Variants in LONP1 observed in about 807,000 individuals in gnomAD.
LONP1 encodes lon peptidase 1, mitochondrial.
LONP1 carries 31 observed loss-of-function variants against 98.5 expected under a neutral mutation model. The observed-to-expected ratio is 0.31, with a 90% CI of 0.24 to 0.42. The LOEUF is 0.42. Ranked by LOEUF, LONP1 falls within the 20% of genes least tolerant of loss-of-function variation. LONP1 has a pLI of 1.00. For synonymous variants in LONP1, 781 were observed against 594.7 expected, an observed-to-expected ratio of 1.31 and a Z score of -4.56; for missense variants, 1,336 against 1,350.6, an observed-to-expected ratio of 0.99 and a Z score of 0.17.
chr19:5,698,122 C>T (rs966030364), intron 10 of LONP1, among the ~76,000 whole-genome samples: 7 of 151,544 alleles, frequency 4.6e-5, no homozygotes, highest in Admixed American at 1.3e-4. Flanking sequence ...GCACTGGCCC[C>T]ACCTCCTCCA....
intron 3 of LONP1, 123 bp downstream of exon 3, chr19:5,713,011 T>TGGGGGTGAG: frequency 7.4e-7 from 1 of 1,357,828 alleles, no homozygotes; most frequent in Non-Finnish European, 1.0e-6. Flanking sequence ...GCCTCAGTGC[T>TGGGGGTGAG]AGTGAGAAAG....
chr19:5,701,813 C>A (rs1237601467), intron 8 of LONP1, among the ~76,000 whole-genome samples: 1 of 151,204 alleles, frequency 6.6e-6, no homozygotes, highest in East Asian at 2.0e-4. Context: ...TGTGAGGAGC[C>A]CCTCTGCCTG....
At position 5,693,307 on chromosome 19, in the gene LONP1, C is replaced by A. The variant is rs202008767; in HGVS notation, c.2694G>T (p.Lys898Asn). ...GTACAGGGACACTCACCGCAATGGT[C>A]TTCTCCTTGATGCCACCAACAGGCA... ...KILPVGGIKE[K>N]TIAAKRAGVT... is the part of the protein sequence containing the mutation. The change falls in exon 17 of 18, where the codon AAG (lysine) becomes AAT (asparagine). Residue 898 changes from lysine (K) to asparagine (N), a missense_variant. Physicochemically the swap from Lys to Asn is moderately conservative, Grantham distance 94. Around this residue, in one of 5 missense-constraint regions of LONP1, gnomAD observed 555 missense variants for 542.6 expected, o/e 1.02. Coordinates refer to ENST00000360614, the MANE Select transcript of LONP1 (RefSeq NM_004793.4). 6.2e-7 allele frequency: 1 copy of A among 1,611,490 alleles called. No homozygotes were observed. Among genetic ancestry groups the A allele is most frequent in the Admixed American group, 1.7e-5 (1 of 59,930 alleles).
intron 17 of LONP1, among the ~76,000 whole-genome samples, chr19:5,692,790 C>T (rs1237972116): frequency 6.6e-6 from 1 of 152,206 alleles, no homozygotes; most frequent in Non-Finnish European, 1.5e-5. Context: ...GTGGTCACAG[C>T]CACTTGACCA....
At position 5,696,659 on chromosome 19, in the gene LONP1, T is replaced by G. The variant is rs746321328; in HGVS notation, c.1773+11A>C. 2 of 1,581,028 alleles carry G rather than the reference T, an allele frequency of 1.3e-6. No homozygotes were observed. Among genetic ancestry groups the G allele is most frequent in the Admixed American group, 3.4e-5 (2 of 58,522 alleles). ...CCGGGTTAGGGGGTCTCCGGGCCTCTCCGCACGCACCTCGTCGATGAGGAT... is the reference window on the plus strand; with the variant it reads ...CCGGGTTAGGGGGTCTCCGGGCCTCGCCGCACGCACCTCGTCGATGAGGAT... On this transcript the variant is annotated intron_variant, in intron 11 of 17. Coordinates refer to ENST00000360614, the MANE Select transcript of LONP1 (RefSeq NM_004793.4).
intron 15 of LONP1, 83 bp from the exon 16 acceptor site, chr19:5,693,852 C>G (rs994327173): frequency 7.8e-6 from 9 of 1,150,186 alleles, no homozygotes; most frequent in South Asian, 6.7e-5. Flanking sequence ...CCACTCTGAC[C>G]GCTCCTGCCC....
At chr19:5,707,595 T>C in intron 6 of LONP1, 102 bp downstream of exon 6, 1 of 1,258,132 alleles carries the variant, frequency 7.9e-7, no homozygotes, top group East Asian at 2.3e-5. Flanking sequence ...CAGCCAGGCA[T>C]GGGGGAGCTG....
intron 6 of LONP1, among the ~76,000 whole-genome samples, 155 bp from the exon 7 acceptor site, chr19:5,707,298 C>A (rs1429180738): frequency 6.6e-6 from 1 of 152,236 alleles, no homozygotes; most frequent in Non-Finnish European, 1.5e-5. Flanking sequence ...TCTGCCCCAA[C>A]AAATCCCGTG....
chr19:5,710,469 C>T (rs1237711939), intron 4 of LONP1, among the ~76,000 whole-genome samples: 4 of 151,998 alleles, frequency 2.6e-5, no homozygotes, highest in African/African-American at 9.7e-5. Flanking sequence ...GATCACAGCT[C>T]ACTGCAGCCT....
chr19:5,709,826 G>T (rs935935687), intron 4 of LONP1, among the ~76,000 whole-genome samples: 7 of 147,688 alleles, frequency 4.7e-5, no homozygotes, highest in Non-Finnish European at 7.4e-5. Flanking sequence ...GCAGGAGAAT[G>T]GTGTGAACCC....
chr19:5,719,809 G>C lies in LONP1; in HGVS notation c.324C>G (p.Val108=), dbSNP rs928920115. The change falls in exon 1 of 18, where the codon GTC becomes GTG. Residue 108 remains valine (V), a synonymous_variant. Coordinates refer to ENST00000360614, the MANE Select transcript of LONP1 (RefSeq NM_004793.4). ...TCGTCATGGGCGTGAGCGCCGTTAT[G>C]ACCGGGCCTTCCCCGGCGCCCGCGC... is the stretch of plus-strand genomic sequence containing the variant. ...GGSAGAGEGP[V]ITALTPMTIP... The C allele has an allele frequency of 6.2e-7, 1 of 1,612,046 alleles. No homozygotes were observed. The highest frequency in any genetic ancestry group is 8.5e-7 in the Non-Finnish European group (1 of 1,179,762).
At chr19:5,696,635 C>CGTGTCAGGGTTGCCTGGGGCTCT (rs1599449707) in intron 11 of LONP1, 35 bp downstream of exon 11, 1 of 1,593,598 alleles carries the variant, frequency 6.3e-7, no homozygotes, top group Non-Finnish European at 8.6e-7. Context: ...ACGGCATTGC[C>CGTGTCAGGGTTGCCTGGGGCTCT]GGGTTAGGGG....
At chr19:5,699,312 G>A in intron 9 of LONP1, 107 bp from the exon 10 acceptor site, 1 of 901,710 alleles carries the variant, frequency 1.1e-6, no homozygotes, top group East Asian at 3.1e-5. Flanking sequence ...AGGGCTGCGA[G>A]AAGGGACCAG....
chr19:5,698,427 G>A lies in LONP1; in HGVS notation c.1685+600C>T, dbSNP rs201526652. 8.5e-5 allele frequency among the ~76,000 whole-genome samples: 13 copies of A among 152,350 alleles called. No individual in the cohort carries two copies. The East Asian group carries it at 2.5e-3, about 29-fold the overall frequency. On this transcript the variant is annotated intron_variant, in intron 10 of 17. Coordinates refer to ENST00000360614, the MANE Select transcript of LONP1 (RefSeq NM_004793.4). The stretch of plus-strand genomic sequence containing the variant: ...CTGTCTACAGAGGCTGGCGAGGAGG[G>A]AAGCCCCAGAAAAGCCGCGCCCGGC...
At chr19:5,711,033 A>G (rs2055228407) in intron 4 of LONP1, among the ~76,000 whole-genome samples, 1 of 149,588 alleles carries the variant, frequency 6.7e-6, no homozygotes, top group African/African-American at 2.5e-5. Context: ...TCTCAAAAAA[A>G]GAAAGAAAAA....
At position 5,720,022 on chromosome 19, in the gene LONP1, C is replaced by A. The variant is rs1393014637; in HGVS notation, c.111G>T (p.Ala37=). 2 of 1,566,686 alleles carry A rather than the reference C, an allele frequency of 1.3e-6. No individual in the cohort carries two copies. The highest frequency in any genetic ancestry group is 8.6e-7 in the Non-Finnish European group (1 of 1,159,334). The part of the protein sequence containing the change: ...AGGRVPTAAG[A]WLLRGQRTCD... ...AGGTCCGCTGGCCTCGGAGCAACCA[C>A]GCTCCTGCTGCAGTGGGAACCCGCC... The change falls in exon 1 of 18, where the codon GCG becomes GCT. Residue 37 remains alanine (A), a synonymous_variant. Coordinates refer to ENST00000360614, the MANE Select transcript of LONP1 (RefSeq NM_004793.4).
At chr19:5,706,280 G>A (rs1032965169) in intron 7 of LONP1, among the ~76,000 whole-genome samples, 26 of 152,066 alleles carry the variant, frequency 1.7e-4, no homozygotes, top group Non-Finnish European at 3.5e-4. Context: ...GGGACCACAG[G>A]CACCTGCCAC....
At chr19:5,715,681 A>G (rs1251301583) in intron 1 of LONP1, among the ~76,000 whole-genome samples, 8 of 95,378 alleles carry the variant, frequency 8.4e-5, no homozygotes, top group Admixed American at 2.5e-4. Context: ...AAAAAAAAAG[A>G]AAGTTTCACT....
At chr19:5,700,548 C>G (rs1248708949) in intron 9 of LONP1, among the ~76,000 whole-genome samples, 1 of 152,236 alleles carries the variant, frequency 6.6e-6, no homozygotes, top group Non-Finnish European at 1.5e-5. Flanking sequence ...TCCTGAGTAA[C>G]TGGGACTACA....
Sources: gnomAD v4.1 joint callset for allele counts (sites outside exome capture counted in the v4.1 genomes callset) on GRCh38, gnomAD v4.1.1 for gene constraint, gnomAD v4.1.1 regional missense constraint, MANE v1.5 for transcripts, NCBI Gene and HGNC (gene_info 2026-07-23, HGNC 2026-07-21) for gene names.